Variants in COL6A6 observed in about 807,000 individuals in gnomAD.
COL6A6 encodes the protein collagen alpha-6(VI) chain.
Under a neutral mutation model 208.6 loss-of-function variants are expected in COL6A6, and 183 were observed. The ratio of observed to expected loss-of-function variants is 0.88; its 90% CI spans 0.78 to 0.99. COL6A6 has a LOEUF of 0.99. Ranked by LOEUF, COL6A6 falls within the 50% of genes least tolerant of loss-of-function variation. COL6A6 has a pLI of 0.00. For missense variants in COL6A6, 2,816 were observed against 2,815.2 expected, an observed-to-expected ratio of 1.00 and a Z score of -0.01; for synonymous variants, 973 against 1,011.8, an observed-to-expected ratio of 0.96 and a Z score of 0.73.
intron 1 of COL6A6, among the ~76,000 whole-genome samples, chr3:130,526,608 G>A (rs534527555): frequency 1.3e-5 from 2 of 152,180 alleles, no homozygotes; most frequent in Non-Finnish European, 2.9e-5. Context: ...AAGTGATGGT[G>A]GCAGTGATGT....
In COL6A6 at chr3:130,567,242, A is replaced by T. The variant is rs999101054; in HGVS notation, c.1823A>T (p.Gln608Leu). The change falls in exon 5 of 37, where the codon CAA becomes CTA. Residue 608 changes from glutamine to leucine, a missense_variant. Gln to Leu is a moderately radical substitution (Grantham distance 113). Transcript: ENST00000358511. ...AAAGACATAAGAAACCAAGTTGTTC[A>T]AGAAATCTGTACTGAAGAAGGTAAG... is the stretch of plus-strand genomic sequence containing the variant. Reference protein sequence around the residue: ...ALKDIRNQVVQEICTEEACKE... With the variant: ...ALKDIRNQVVLEICTEEACKE... 5.6e-6 allele frequency: 9 copies of T among 1,610,994 alleles called. No homozygotes were observed. Among genetic ancestry groups the T allele is most frequent in the Admixed American group, 3.3e-5 (2 of 59,890 alleles).
chr3:130,627,866 C>G (rs2064938705), intron 26 of COL6A6, among the ~76,000 whole-genome samples: 1 of 152,146 alleles, frequency 6.6e-6, no homozygotes, highest in Non-Finnish European at 1.5e-5. Flanking sequence ...GATAAGTTTA[C>G]CAAGACCAGT....
intron 12 of COL6A6, among the ~76,000 whole-genome samples, chr3:130,590,278 TATATATATATATATATATA>T (rs1232466178): frequency 5.6e-4 from 12 of 21,436 alleles, no homozygotes; most frequent in Non-Finnish European, 9.4e-4. Flanking sequence ...TATATATATA[TATATATATATATATATATA>T]TATTTTTTTT....
At chr3:130,600,713 G>A (rs901487343) in intron 20 of COL6A6, among the ~76,000 whole-genome samples, 2 of 152,186 alleles carry the variant, frequency 1.3e-5, no homozygotes, top group Non-Finnish European at 2.9e-5. Flanking sequence ...CCAGTCGGGG[G>A]TTGGTGGGGC....
intron 1 of COL6A6, among the ~76,000 whole-genome samples, chr3:130,549,998 C>T (rs571886639): frequency 3.7e-4 from 57 of 152,188 alleles, no homozygotes; most frequent in Admixed American, 1.6e-3. Context: ...ATTTGAGCAG[C>T]GTTTCAGAAG....
At chr3:130,606,647 C>T (rs2064190969) in intron 20 of COL6A6, among the ~76,000 whole-genome samples, 2 of 152,136 alleles carry the variant, frequency 1.3e-5, no homozygotes, top group African/African-American at 2.4e-5. Flanking sequence ...TAACAGAGAA[C>T]AAATTATTGA....
At chr3:130,613,768 T>G (rs1208922225) in intron 23 of COL6A6, among the ~76,000 whole-genome samples, 1 of 152,344 alleles carries the variant, frequency 6.6e-6, no homozygotes, top group East Asian at 1.9e-4. Context: ...TTTTTACATT[T>G]TTGTGGCAAT....
At chr3:130,535,098 C>T (rs2062191908) in intron 1 of COL6A6, among the ~76,000 whole-genome samples, 1 of 144,756 alleles carries the variant, frequency 6.9e-6, no homozygotes, top group South Asian at 2.3e-4. Flanking sequence ...TCCATGACCT[C>T]CTCAGACATT....
At chr3:130,645,227 TAAA>T (rs10586900) in intron 32 of COL6A6, among the ~76,000 whole-genome samples, 31,744 of 151,988 alleles carry the variant, frequency 0.21, 4,805 homozygotes, top group African/African-American at 0.43. Flanking sequence ...TTTTTATTAA[TAAA>T]AAATCATTAA....
At chr3:130,612,652 C>G (rs1219793110) in intron 23 of COL6A6, among the ~76,000 whole-genome samples, 2 of 152,118 alleles carry the variant, frequency 1.3e-5, no homozygotes, top group Admixed American at 6.5e-5. Flanking sequence ...ACAGGGTTGA[C>G]AGCCTGGGCG....
chr3:130,525,366 C>T (rs1027673901), intron 1 of COL6A6, among the ~76,000 whole-genome samples: 1 of 152,172 alleles, frequency 6.6e-6, no homozygotes, highest in African/African-American at 2.4e-5. Flanking sequence ...AGACTGCTAA[C>T]ATTGTGAACA....
intron 35 of COL6A6, 42 bp from the exon 36 acceptor site, chr3:130,664,959 AAC>A (rs2066035177): frequency 4.6e-6 from 6 of 1,291,222 alleles, no homozygotes; most frequent in Non-Finnish European, 6.6e-6. Context: ...CAGTAATGTT[AAC>A]AGTCATGAAT....
chr3:130,548,404 A>G (rs896562584), intron 1 of COL6A6, among the ~76,000 whole-genome samples: 1 of 152,150 alleles, frequency 6.6e-6, no homozygotes, highest in Non-Finnish European at 1.5e-5. Context: ...CCTTGGTGAG[A>G]CTGGATGGCT....
chr3:130,671,955 C>T (rs1233184545), intron 36 of COL6A6, among the ~76,000 whole-genome samples: 1 of 152,188 alleles, frequency 6.6e-6, no homozygotes, highest in Non-Finnish European at 1.5e-5. Flanking sequence ...CAGTGATAGG[C>T]CAGAGCCAGA....
At chr3:130,656,339 G>A (rs925995083) in intron 33 of COL6A6, among the ~76,000 whole-genome samples, 2 of 151,956 alleles carry the variant, frequency 1.3e-5, no homozygotes, top group African/African-American at 4.8e-5. Context: ...TTGAGTGACA[G>A]AACAGCTCAG....
rs140873108 is a variant in COL6A6, at chr3:130,675,705, T to C, written c.*308T>C. On this transcript the variant is annotated 3_prime_UTR_variant, in exon 37 of 37. Coordinates refer to ENST00000358511, the MANE Select transcript of COL6A6 (RefSeq NM_001102608.3). ...TATATGATGTATGCATATGTGTACA[T>C]GGGTCAATGTTAATTCTTTTATCTC... is the stretch of plus-strand genomic sequence containing the variant. 75 of 210,048 alleles carry C rather than the reference T, an allele frequency of 3.6e-4. 1 individual carries two copies. In the East Asian group the frequency reaches 7.0e-3, roughly 20 times the overall value. 13.0% of individuals were successfully genotyped at this position (210,048 alleles called of 1,614,324 possible).
At chr3:130,626,625 G>A (rs2064894379) in intron 25 of COL6A6, 78 bp downstream of exon 25, 5 of 1,009,096 alleles carry the variant, frequency 5.0e-6, no homozygotes, top group Non-Finnish European at 6.3e-6. Flanking sequence ...GTTCTCTGAA[G>A]AGAGTTTTAA....
intron 23 of COL6A6, among the ~76,000 whole-genome samples, chr3:130,614,773 C>T (rs1195177686): frequency 2.0e-5 from 3 of 152,114 alleles, no homozygotes; most frequent in Non-Finnish European, 4.4e-5. Context: ...TCTATTACTT[C>T]TGGATCTTCT....
intron 1 of COL6A6, among the ~76,000 whole-genome samples, chr3:130,556,842 C>G (rs931665501): frequency 6.6e-6 from 1 of 152,138 alleles, no homozygotes; most frequent in African/African-American, 2.4e-5. Context: ...ATGCTCCCTC[C>G]CTTGCTACTG....
Sources: gnomAD v4.1 joint callset for allele counts (sites outside exome capture counted in the v4.1 genomes callset) on GRCh38, gnomAD v4.1.1 for gene constraint, MANE v1.5 for transcripts, NCBI Gene and HGNC (gene_info 2026-07-23, HGNC 2026-07-21) for gene names.